The following VWA3B variants were observed in gnomAD, a reference collection of about 807,000 sequenced individuals.
The protein encoded by VWA3B is von Willebrand factor A domain containing 3B.
A neutral mutation model predicts 158.3 loss-of-function variants in VWA3B; 138 were observed. The observed-to-expected ratio is 0.87, with a 90% CI of 0.76 to 1.00. The LOEUF is 1.00. Among genes scored for constraint, VWA3B ranks in the 50% least tolerant of loss-of-function variants. The pLI is 0.00. For synonymous variants in VWA3B, 596 were observed against 587.3 expected (o/e 1.01, Z -0.21); for missense variants, 1,555 against 1,565.1 (o/e 0.99, Z 0.11).
At chr2:98,270,972 C>T in intron 22 of VWA3B, 89 bp downstream of exon 22, 1 of 1,234,392 alleles carries the variant, frequency 8.1e-7, no homozygotes, top group Non-Finnish European at 1.1e-6. Context: ...CTCTGTCTCC[C>T]ACTCCCCGCC....
At chr2:98,119,192 T>G (rs147375517) in intron 3 of VWA3B, among the ~76,000 whole-genome samples, 296 of 152,368 alleles carry the variant, frequency 1.9e-3, no homozygotes, top group African/African-American at 6.7e-3. Flanking sequence ...TTTGTTGGTC[T>G]TTTCTCCTAC....
intron 26 of VWA3B, among the ~76,000 whole-genome samples, chr2:98,310,240 G>C (rs978422304): frequency 4.6e-5 from 7 of 152,250 alleles, no homozygotes; most frequent in African/African-American, 1.7e-4. Context: ...CAATACAAAC[G>C]AGACCTCAGG....
chr2:98,250,560 G>A (rs1574198349), intron 20 of VWA3B, 124 bp downstream of exon 20: 2 of 787,926 alleles, frequency 2.5e-6, no homozygotes, highest in Non-Finnish European at 3.9e-6. Context: ...AAATTGTTCA[G>A]GCTGGGTGTG....
chr2:98,265,406 G>C (rs1687748127), intron 21 of VWA3B, among the ~76,000 whole-genome samples: 1 of 151,728 alleles, frequency 6.6e-6, no homozygotes, highest in African/African-American at 2.4e-5. Flanking sequence ...GTATTCCATG[G>C]TGTATATGTG....
chr2:98,110,191 G>T (rs1487917975), intron 2 of VWA3B, among the ~76,000 whole-genome samples: 2 of 150,764 alleles, frequency 1.3e-5, no homozygotes, highest in African/African-American at 4.9e-5. Context: ...TATCTGTAAG[G>T]CTCTGTTCAG....
intron 7 of VWA3B, among the ~76,000 whole-genome samples, chr2:98,142,864 ACGTGGCTGGAGAGCACTC>A (rs1193887095): frequency 6.6e-6 from 1 of 152,190 alleles, no homozygotes; most frequent in Non-Finnish European, 1.5e-5. Flanking sequence ...CACTGGCCAT[ACGTGGCTGGAGAGCACTC>A]GGAATGGAGC....
At chr2:98,286,545 TA>T (rs1203593700) in intron 22 of VWA3B, among the ~76,000 whole-genome samples, 1 of 152,186 alleles carries the variant, frequency 6.6e-6, no homozygotes, top group East Asian at 1.9e-4. Context: ...TTTATCCTAT[TA>T]ATATGGTATA....
rs370641061 is a variant in VWA3B at position 98,230,204 on chromosome 2, G to T, written c.2305G>T (p.Ala769Ser). The change falls in exon 16 of 28, where the codon GCA (alanine) becomes TCA (serine). Residue 769 changes from alanine (A) to serine (S), a missense_variant. By Grantham distance (99) the Ala-to-Ser change is moderately conservative. Transcript: ENST00000477737. ...GGTTCAGAAAAAGAAAGTCCTTCAC[G>T]CAGGTATCAGTGAACAAAATGGCTT... ...QKVQKKKVLH[A>S]ESTKTSLLRS... is the part of the protein sequence containing the mutation. The T allele has an allele frequency of 1.9e-5, 29 of 1,563,700 alleles. No individual in the cohort carries two copies. The highest frequency in any genetic ancestry group is 2.3e-5 in the Non-Finnish European group (27 of 1,162,166).
intron 20 of VWA3B, among the ~76,000 whole-genome samples, chr2:98,252,825 A>G (rs1686883184): frequency 6.6e-6 from 1 of 152,148 alleles, no homozygotes; most frequent in Non-Finnish European, 1.5e-5. Flanking sequence ...CAAACATAGT[A>G]AGTCATTTGT....
intron 14 of VWA3B, among the ~76,000 whole-genome samples, chr2:98,222,349 A>G (rs1684582357): frequency 6.6e-6 from 1 of 152,216 alleles, no homozygotes; most frequent in Admixed American, 6.5e-5. Context: ...AGTGAAATTG[A>G]TCTGTAACAG....
chr2:98,133,195 T>C lies in VWA3B; in HGVS notation c.873-629T>C, dbSNP rs568722143. 3.2e-4 allele frequency among the ~76,000 whole-genome samples: 48 copies of C among 152,310 alleles called. No homozygotes were observed. The Middle Eastern group carries it at 0.034, about 108-fold the overall frequency. On this transcript the variant is annotated intron_variant, in intron 6 of 27. Transcript: ENST00000477737. Reference sequence around the variant, plus strand: ...GACCCTGTTAAATGGATATTTGGACTCCACAGGGCTGGGTGGGGGCCTGGG... The same window carrying C: ...GACCCTGTTAAATGGATATTTGGACCCCACAGGGCTGGGTGGGGGCCTGGG...
chr2:98,142,691 A>T (rs1323048292), intron 7 of VWA3B, among the ~76,000 whole-genome samples: 1 of 152,240 alleles, frequency 6.6e-6, no homozygotes, highest in African/African-American at 2.4e-5. Context: ...ACCCTAACAG[A>T]TGGCTCTTCT....
intron 20 of VWA3B, among the ~76,000 whole-genome samples, chr2:98,252,999 T>C (rs1346662656): frequency 6.6e-6 from 1 of 152,192 alleles, no homozygotes; most frequent in Non-Finnish European, 1.5e-5. Flanking sequence ...GAATTGTTAT[T>C]ATTTGGTATC....
At chr2:98,186,314 C>T (rs1681044914) in intron 9 of VWA3B, among the ~76,000 whole-genome samples, 2 of 152,030 alleles carry the variant, frequency 1.3e-5, no homozygotes, top group African/African-American at 4.8e-5. Flanking sequence ...TCTCTGTCTA[C>T]ACTCATTTCC....
At chr2:98,250,557 T>G in intron 20 of VWA3B, 121 bp downstream of exon 20, 1 of 826,518 alleles carries the variant, frequency 1.2e-6, no homozygotes, top group Non-Finnish European at 1.8e-6. Flanking sequence ...TAAAAATTGT[T>G]CAGGCTGGGT....
intron 9 of VWA3B, among the ~76,000 whole-genome samples, chr2:98,185,912 C>T (rs1456041685): frequency 6.6e-6 from 1 of 152,172 alleles, no homozygotes; most frequent in Non-Finnish European, 1.5e-5. Flanking sequence ...GCTGTGCCCC[C>T]ACGCCTCTGC....
At chr2:98,256,257 G>T in intron 21 of VWA3B, 83 bp downstream of exon 21, 1 of 1,430,038 alleles carries the variant, frequency 7.0e-7, no homozygotes. Context: ...AGTGTACAAT[G>T]CAGAGGTATT....
chr2:98,241,308 G>A (rs1307839010), intron 19 of VWA3B, among the ~76,000 whole-genome samples: 1 of 151,996 alleles, frequency 6.6e-6, no homozygotes, highest in Non-Finnish European at 1.5e-5. Flanking sequence ...GTGAAGGAAG[G>A]GCCTTGATTG....
At chr2:98,299,464 GGGA>G (rs1690044295) in intron 24 of VWA3B, among the ~76,000 whole-genome samples, 2 of 152,214 alleles carry the variant, frequency 1.3e-5, no homozygotes, top group African/African-American at 4.8e-5. Flanking sequence ...AGTGTGAGCC[GGGA>G]GGAGAAGCGC....
Sources: allele counts gnomAD v4.1 joint callset (sites outside exome capture counted in the v4.1 genomes callset), GRCh38; gene constraint gnomAD v4.1.1; transcripts MANE v1.5; gene names NCBI Gene and HGNC (gene_info 2026-07-23, HGNC 2026-07-21).